Variants in MED23 observed in about 807,000 individuals in gnomAD.
MED23 encodes the protein mediator of RNA polymerase II transcription subunit 23.
MED23 carries 105 observed loss-of-function variants against 163.9 expected under a neutral mutation model. The observed-to-expected ratio is 0.64, with a 90% CI of 0.55 to 0.75. The LOEUF (loss-of-function observed/expected upper bound fraction) is 0.75, where lower values mean the gene tolerates loss of function less well. Among genes scored for constraint, MED23 ranks in the 30% least tolerant of loss-of-function variants. The pLI is 0.00. For synonymous variants in MED23, 561 were observed against 565.6 expected (o/e 0.99, Z 0.12); for missense variants, 1,054 against 1,649.0 (o/e 0.64, Z 6.25).
At chr6:131,583,280 C>G (rs991273301), downstream of MED23, 12 of 1,608,040 alleles carry the variant, frequency 7.5e-6, no homozygotes, top group Admixed American at 1.7e-5. Context: ...TTTTATAAAA[C>G]AAGTTAACAG....
At position 131,594,187 on chromosome 6, in the gene MED23, G is replaced by C; in HGVS notation, c.3144C>G (p.Tyr1048Ter). The stretch of plus-strand genomic sequence containing the variant: ...CTCGTGCATTCATAGCGCATTTCAG[G>C]TAAGTGTCACTTAGACACCAGCCCT... ...RPQGWCLSDTYLKCAMNAREE... is the reference protein window; with the variant it reads ...RPQGWCLSDT Residue 1048 changes from tyrosine to a stop codon, truncating the protein, a stop_gained, in exon 23 of 29, where the codon TAC becomes TAG. Transcript: ENST00000368068. LOFTEE classifies it high-confidence loss of function. 1 of 1,614,118 alleles carries C rather than the reference G, an allele frequency of 6.2e-7. No homozygotes were observed. Among genetic ancestry groups the C allele is most frequent in the Non-Finnish European group, 8.5e-7 (1 of 1,180,028 alleles).
intron 9 of MED23, among the ~76,000 whole-genome samples, chr6:131,616,676 C>T (rs531716123): frequency 2.6e-5 from 4 of 152,128 alleles, no homozygotes; most frequent in East Asian, 1.9e-4. Flanking sequence ...AAAAACTAGC[C>T]GGGCATGGTG....
At chr6:131,625,352 G>C (rs17060461) in intron 3 of MED23, among the ~76,000 whole-genome samples, 1,849 of 152,212 alleles carry the variant, frequency 0.012, 39 homozygotes, top group African/African-American at 0.043. Context: ...CTGTCACTGG[G>C]GGTAAAATTC....
intron 30 of MED23, chr6:131,576,859 C>A: frequency 1.2e-6 from 1 of 814,258 alleles, no homozygotes; most frequent in Non-Finnish European, 2.1e-6. Context: ...TGGTTACAAC[C>A]CGAGAAACAC....
rs771447757 is a variant in MED23, at chr6:131,605,326, G to C, written c.1527C>G (p.Leu509=). ...CTGAAGCCATACAGTTTGTTCCAGG[G>C]AGAGGTATCCTCATAATTCCATTTC... The part of the protein sequence containing the change: ...IYGNGIMRIP[L]PGTNCMASGS... Residue 509 remains leucine, a synonymous_variant, in exon 14 of 29, where the codon CTC becomes CTG. Coordinates refer to ENST00000368068, the MANE Select transcript of MED23 (RefSeq NM_004830.4). The C allele has an allele frequency of 1.9e-6, 3 of 1,613,304 alleles. No individual in the cohort carries two copies. The highest frequency in any genetic ancestry group is 2.5e-6 in the Non-Finnish European group (3 of 1,179,494).
chr6:131,596,320 T>C, intron 21 of MED23, 157 bp from the exon 22 acceptor site: 2 of 862,500 alleles, frequency 2.3e-6, no homozygotes, highest in Non-Finnish European at 3.7e-6. Context: ...AGTCCTTATG[T>C]CCACTAAAAC....
Position 131,610,276 on chromosome 6 carries a change from CA to C in MED23, c.877-31del, listed in dbSNP as rs548478387. 1.2e-5 allele frequency: 19 copies of C among 1,606,774 alleles called. No individual in the cohort carries two copies. The East Asian group carries it at 3.8e-4, about 32-fold the overall frequency. On this transcript the variant is annotated intron_variant, in intron 10 of 28. Transcript: ENST00000368068. ...AGGGCAGAGATTAAATACAGTATTCCAAAAGCCTCTCGGTTAGTTTCAGAAG... is the reference window on the plus strand; with the variant it reads ...AGGGCAGAGATTAAATACAGTATTCCAAAGCCTCTCGGTTAGTTTCAGAAG...
At chr6:131,620,774 T>C (rs760729351) in intron 6 of MED23, 45 bp from the exon 7 acceptor site, 47 of 1,073,300 alleles carry the variant, frequency 4.4e-5, no homozygotes, top group Non-Finnish European at 6.2e-5. Flanking sequence ...TAGTCCCACA[T>C]ATAAGCCCTT....
chr6:131,585,020 A>G (rs1026291926), downstream of MED23, among the ~76,000 whole-genome samples: 1 of 151,270 alleles, frequency 6.6e-6, no homozygotes, highest in Non-Finnish European at 1.5e-5. Flanking sequence ...AACCAACCAT[A>G]TTCCCCAAAA....
chr6:131,590,715 G>C (rs955691312), intron 26 of MED23, among the ~76,000 whole-genome samples: 2 of 150,662 alleles, frequency 1.3e-5, no homozygotes, highest in African/African-American at 2.4e-5. Flanking sequence ...TGCAACCTCC[G>C]CCTCCTGGGT....
chr6:131,583,015 C>A (rs762486648), downstream of MED23: 3 of 1,384,170 alleles, frequency 2.2e-6, no homozygotes, highest in Non-Finnish European at 3.0e-6. Flanking sequence ...CAGGCGGGCA[C>A]AGTCAGCCTT....
Position 131,591,429 on chromosome 6 carries a change from G to A in MED23, c.3570C>T (p.Leu1190=), listed in dbSNP as rs372640509. Residue 1190 remains leucine, a synonymous_variant, in exon 26 of 29, where the codon CTC becomes CTT. Transcript: ENST00000368068. ...ETEWVGYPFR[L]FDFTACHQSY... ...ACTGATGACAGGCAGTGAAATCAAA[G>A]AGGCGGAATGGATAGCCAACCCACT... is the stretch of plus-strand genomic sequence containing the variant. The A allele has an allele frequency of 6.2e-7, 1 of 1,613,758 alleles. No individual in the cohort carries two copies. Among genetic ancestry groups the A allele is most frequent in the Non-Finnish European group, 8.5e-7 (1 of 1,179,816 alleles).
At chr6:131,595,805 A>G in intron 22 of MED23, 142 bp downstream of exon 22, 1 of 676,246 alleles carries the variant, frequency 1.5e-6, no homozygotes, top group Non-Finnish European at 2.6e-6. Context: ...TCATGGCACC[A>G]TCCATAGTAC....
Position 131,616,915 on chromosome 6 carries a change from T to A in MED23, c.781-913A>T, listed in dbSNP as rs79782556. ...TTCCAAATGACAGGCTGAATATTTA[T>A]TCAATGTCTTGAATATAGACCAATC... On this transcript the variant is annotated intron_variant, in intron 9 of 28. Transcript: ENST00000368068. Among the ~76,000 whole-genome samples, 527 of 152,298 alleles carry A rather than the reference T, an allele frequency of 3.5e-3. 4 individuals carry two copies. The highest frequency in any genetic ancestry group is 0.012 in the African/African-American group (496 of 41,564).
intron 10 of MED23, among the ~76,000 whole-genome samples, chr6:131,615,066 C>CAAAAAAAAAGAAAAAA (rs1776565133): frequency 1.5e-5 from 1 of 68,242 alleles, no homozygotes; most frequent in Non-Finnish European, 2.9e-5. Flanking sequence ...TCTTTGTTAC[C>CAAAAAAAAAGAAAAAA]AAAAAAAAAA....
chr6:131,605,147 G>T, intron 14 of MED23, 93 bp downstream of exon 14: 1 of 1,358,064 alleles, frequency 7.4e-7, no homozygotes, highest in Non-Finnish European at 1.0e-6. Flanking sequence ...ACCTGACTAT[G>T]AAATAATACG....
Position 131,594,164 on chromosome 6 carries a change from C to T in MED23, c.3167G>A (p.Arg1056Gln), listed in dbSNP as rs1388241656. The change falls in exon 23 of 29, where the codon CGA becomes CAA. Residue 1056 changes from arginine to glutamine, a missense_variant. By Grantham distance (43) the Arg-to-Gln change is conservative. Transcript: ENST00000368068. ...DTYLKCAMNA[R>Q]EENPWVPDDT... is the part of the protein sequence containing the mutation. ...ATCTGGAACCCAAGGATTTTCCTCT[C>T]GTGCATTCATAGCGCATTTCAGGTA... 2.5e-6 allele frequency: 4 copies of T among 1,614,132 alleles called. No individual in the cohort carries two copies. Among genetic ancestry groups the T allele is most frequent in the East Asian group, 2.2e-5 (1 of 44,878 alleles).
At chr6:131,618,943 A>G (rs950228892) in intron 8 of MED23, among the ~76,000 whole-genome samples, 6 of 152,230 alleles carry the variant, frequency 3.9e-5, no homozygotes, top group Non-Finnish European at 8.8e-5. Flanking sequence ...GTTTAAGACC[A>G]CTAGTCCAGT....
At chr6:131,577,787 C>T (rs1041587762) in intron 30 of MED23, among the ~76,000 whole-genome samples, 1 of 151,756 alleles carries the variant, frequency 6.6e-6, no homozygotes, top group Non-Finnish European at 1.5e-5. Flanking sequence ...AGCCTGTAGT[C>T]CCAGCTACTT....
Sources: allele counts gnomAD v4.1 joint callset (sites outside exome capture counted in the v4.1 genomes callset), GRCh38; gene constraint gnomAD v4.1.1; transcripts MANE v1.5; gene names NCBI Gene and HGNC (gene_info 2026-07-23, HGNC 2026-07-21).